The following DDX39A variants were observed in gnomAD, a reference collection of about 807,000 sequenced individuals.
DDX39A encodes the protein DExD-box helicase 39A, also known as ATP-dependent RNA helicase DDX39A.
Under a neutral mutation model 46.3 loss-of-function variants are expected in DDX39A, and 13 were observed. The observed-to-expected ratio is 0.28, with a 90% CI of 0.18 to 0.45. DDX39A has a LOEUF of 0.45. DDX39A is among the 20% of genes least tolerant of loss of function. The pLI, the probability that DDX39A is intolerant of heterozygous loss-of-function variation, is 1.00. For missense variants in DDX39A, 352 were observed against 581.8 expected (o/e 0.61, Z 4.06); for synonymous variants, 234 against 224.6 (o/e 1.04, Z -0.38).
chr19:14,417,115 G>A (rs747626502), intron 1 of DDX39A, among the ~76,000 whole-genome samples: 2 of 152,138 alleles, frequency 1.3e-5, no homozygotes, highest in Non-Finnish European at 2.9e-5. Context: ...ACCAGTAGCA[G>A]GGAAAACCAG....
rs1976649802 is a variant in DDX39A, at chr19:14,412,867, A to G, written c.208+146T>C. On this transcript the variant is annotated intron_variant, in intron 2 of 10. Coordinates refer to ENST00000242776, the MANE Select transcript of DDX39A (RefSeq NM_005804.4). This position sits in a 1 kb window ranked among gnomAD's most constrained non-coding sequence, Gnocchi z 4.4. ...ACGCCCCACTGCCGAGGGCAGCCAC[A>G]GGCCCCGCTGGGCACAACTGATCCG... 2 of 1,254,400 alleles carry G rather than the reference A, an allele frequency of 1.6e-6. No homozygotes were observed. The highest frequency in any genetic ancestry group is 2.2e-6 in the Non-Finnish European group (2 of 915,472). The allele number at this position is 1,254,400 out of a possible 1,614,324, so 77.7% of individuals were successfully genotyped here. A position where few individuals can be genotyped will look rare whatever the true frequency, so the allele number is the denominator to read the frequency against.
Position 14,411,480 on chromosome 19 carries a change from G to A in DDX39A, c.429+26C>T, listed in dbSNP as rs1976587658. 6.3e-7 allele frequency: 1 copy of A among 1,597,132 alleles called. No individual in the cohort carries two copies. Among genetic ancestry groups the A allele is most frequent in the African/African-American group, 1.3e-5 (1 of 74,544 alleles). ...AAGCTGCAGAAACCAAGTGGCGCCTGGTCCAGTCTGGCCCGAGGGACTCAC... is the reference window on the plus strand; with the variant it reads ...AAGCTGCAGAAACCAAGTGGCGCCTAGTCCAGTCTGGCCCGAGGGACTCAC... On this transcript the variant is annotated intron_variant, in intron 4 of 10. Coordinates refer to ENST00000242776, the MANE Select transcript of DDX39A (RefSeq NM_005804.4). The surrounding 1 kb of genome is among the most constrained non-coding windows in gnomAD (Gnocchi z 4.1).
chr19:14,410,186 G>A lies in DDX39A; in HGVS notation c.732+30C>T. On this transcript the variant is annotated intron_variant, in intron 6 of 10. Coordinates refer to ENST00000242776, the MANE Select transcript of DDX39A (RefSeq NM_005804.4). The surrounding 1 kb of genome is among the most constrained non-coding windows in gnomAD (Gnocchi z 4.3). Reference sequence around the variant, plus strand: ...CCCCAGGCTCCAGGCCCCTGGGGAAGGCCAAAGCTGCCACTCTCGCCCTAC... The same window carrying A: ...CCCCAGGCTCCAGGCCCCTGGGGAAAGCCAAAGCTGCCACTCTCGCCCTAC... The A allele has an allele frequency of 1.2e-6, 2 of 1,601,276 alleles. No homozygotes were observed. Among genetic ancestry groups the A allele is most frequent in the Non-Finnish European group, 1.7e-6 (2 of 1,168,884 alleles).
chr19:14,413,747 G>A (rs921926637), intron 1 of DDX39A, among the ~76,000 whole-genome samples: 14 of 152,170 alleles, frequency 9.2e-5, no homozygotes, highest in Non-Finnish European at 1.5e-4. Flanking sequence ...GAACCCACTG[G>A]GCTTTCATGG....
Position 14,419,253 on chromosome 19 carries a change from C to A in DDX39A, c.-5+17G>T. 3.6e-6 allele frequency: 1 copy of A among 278,294 alleles called. No homozygotes were observed. The highest frequency in any genetic ancestry group is 7.2e-6 in the Non-Finnish European group (1 of 139,338). 17.2% of individuals were successfully genotyped at this position (278,294 alleles called of 1,614,324 possible). A position where few individuals can be genotyped will look rare whatever the true frequency, so the allele number is the denominator to read the frequency against. On this transcript the variant is annotated intron_variant, in intron 1 of 10. Coordinates refer to ENST00000242776, the MANE Select transcript of DDX39A (RefSeq NM_005804.4). ...CGTCCCCACACCGCGGCCCCGCGCC[C>A]GGGATCCGCTGCTCACCTGGCTCCC... is the stretch of plus-strand genomic sequence containing the variant.
rs1476564726 is a variant in DDX39A at position 14,411,411 on chromosome 19, G to A, written c.429+95C>T. The A allele has an allele frequency of 2.3e-6, 3 of 1,305,726 alleles. No individual in the cohort carries two copies. The highest frequency in any genetic ancestry group is 2.9e-5 in the African/African-American group (2 of 68,384). 80.9% of individuals were successfully genotyped at this position (1,305,726 alleles called of 1,614,324 possible). A position where few individuals can be genotyped will look rare whatever the true frequency, so the allele number is the denominator to read the frequency against. On this transcript the variant is annotated intron_variant, in intron 4 of 10. Transcript: ENST00000242776. This position sits in a 1 kb window ranked among gnomAD's most constrained non-coding sequence, Gnocchi z 4.1. ...GCAAACCTCAAAGGCAGCTGCCCCT[G>A]CCAAGCTTGGTAAATGCTGGCTGGG...
In DDX39A at chr19:14,409,486, T is replaced by C. The variant is rs373132705; in HGVS notation, c.975-39A>G. 2.6e-5 allele frequency: 42 copies of C among 1,611,954 alleles called. No individual in the cohort carries two copies. The African/African-American group carries it at 4.8e-4, about 18-fold the overall frequency. On this transcript the variant is annotated intron_variant, in intron 8 of 10. Coordinates refer to ENST00000242776, the MANE Select transcript of DDX39A (RefSeq NM_005804.4). The surrounding 1 kb of genome is among the most constrained non-coding windows in gnomAD (Gnocchi z 8.3). ...GAAACAAGTGGAGGCCGTCAGACACTGGGCTCCTGGTGGTGCTCCCTGCAG... is the reference window on the plus strand; with the variant it reads ...GAAACAAGTGGAGGCCGTCAGACACCGGGCTCCTGGTGGTGCTCCCTGCAG...
At position 14,409,475 on chromosome 19, in the gene DDX39A, C is replaced by A. The variant is rs551771381; in HGVS notation, c.975-28G>T. On this transcript the variant is annotated intron_variant, in intron 8 of 10. Coordinates refer to ENST00000242776, the MANE Select transcript of DDX39A (RefSeq NM_005804.4). The surrounding 1 kb of genome is among the most constrained non-coding windows in gnomAD (Gnocchi z 8.3). ...GGGGTGCAGGAGAAACAAGTGGAGG[C>A]CGTCAGACACTGGGCTCCTGGTGGT... 1 of 1,612,762 alleles carries A rather than the reference C, an allele frequency of 6.2e-7. No homozygotes were observed. The highest frequency in any genetic ancestry group is 8.5e-7 in the Non-Finnish European group (1 of 1,179,712).
rs760726811 is a variant in DDX39A, at chr19:14,408,990, G to A, written c.1268-38C>T. The A allele has an allele frequency of 3.1e-6, 5 of 1,612,590 alleles. No individual in the cohort carries two copies. In the East Asian group the frequency reaches 8.9e-5, roughly 29 times the overall value. On this transcript the variant is annotated intron_variant, in intron 10 of 10. Transcript: ENST00000242776. ...AGATGCAGTGAACTGAAGGGCCGGGGGAGGAACCCTCTGCCCCAGACCCCT... is the reference window on the plus strand; with the variant it reads ...AGATGCAGTGAACTGAAGGGCCGGGAGAGGAACCCTCTGCCCCAGACCCCT...
At position 14,410,180 on chromosome 19, in the gene DDX39A, G is replaced by A; in HGVS notation, c.732+36C>T. ...CTGGGGCCCCAGGCTCCAGGCCCCT[G>A]GGGAAGGCCAAAGCTGCCACTCTCG... On this transcript the variant is annotated intron_variant, in intron 6 of 10. Transcript: ENST00000242776. This position sits in a 1 kb window ranked among gnomAD's most constrained non-coding sequence, Gnocchi z 4.3. 1 of 1,590,724 alleles carries A rather than the reference G, an allele frequency of 6.3e-7. No homozygotes were observed.
Position 14,410,030 on chromosome 19 carries a change from T to C in DDX39A, c.733-157A>G, listed in dbSNP as rs755668753. On this transcript the variant is annotated intron_variant, in intron 6 of 10. Transcript: ENST00000242776. This position sits in a 1 kb window ranked among gnomAD's most constrained non-coding sequence, Gnocchi z 4.3. The stretch of plus-strand genomic sequence containing the variant: ...CATCGCTCAAAAGCTGGATGTAAGC[T>C]CTGGCCCGACTCAGGTGTGGACCAA... The C allele has an allele frequency of 1.3e-5, 15 of 1,130,662 alleles. 1 individual carries two copies. In the South Asian group the frequency reaches 1.6e-4, roughly 12 times the overall value. The allele number at this position is 1,130,662 out of a possible 1,614,324, so 70.0% of individuals were successfully genotyped here.
Position 14,410,178 on chromosome 19 carries a change from C to G in DDX39A, c.732+38G>C. 6.3e-7 allele frequency: 1 copy of G among 1,592,912 alleles called. No individual in the cohort carries two copies. The highest frequency in any genetic ancestry group is 8.6e-7 in the Non-Finnish European group (1 of 1,161,550). On this transcript the variant is annotated intron_variant, in intron 6 of 10. Transcript: ENST00000242776. The surrounding 1 kb of genome is among the most constrained non-coding windows in gnomAD (Gnocchi z 4.3). ...TCCTGGGGCCCCAGGCTCCAGGCCCCTGGGGAAGGCCAAAGCTGCCACTCT... is the reference window on the plus strand; with the variant it reads ...TCCTGGGGCCCCAGGCTCCAGGCCCGTGGGGAAGGCCAAAGCTGCCACTCT...
chr19:14,410,321 A>G lies in DDX39A; in HGVS notation c.627T>C (p.Asp209=). The G allele has an allele frequency of 1.9e-6, 3 of 1,614,042 alleles. No individual in the cohort carries two copies. The highest frequency in any genetic ancestry group is 2.5e-6 in the Non-Finnish European group (3 of 1,179,958). The change falls in exon 6 of 11, where the codon GAT becomes GAC. Residue 209 remains aspartate (D), a synonymous_variant. Coordinates refer to ENST00000242776, the MANE Select transcript of DDX39A (RefSeq NM_005804.4). This position sits in a 1 kb window ranked among gnomAD's most constrained non-coding sequence, Gnocchi z 4.3. ...GTGTCAGGCGGAAGATCTCCTGCAC[A>G]TCCCGCCGCATGTCTAGGTGGGGAG... The part of the protein sequence containing the change: ...KMLEQLDMRR[D]VQEIFRLTPH...
chr19:14,415,978 A>C (rs551600531), intron 1 of DDX39A: 1 of 159,720 alleles, frequency 6.3e-6, no homozygotes, highest in South Asian at 1.2e-4. Context: ...AGGCAGGAGA[A>C]TCACTTGAAC....
Position 14,409,577 on chromosome 19 carries a change from G to A in DDX39A, c.933C>T (p.Phe311=). ...ALAQLLVEQN[F]PAIAIHRGMA... is the part of the protein sequence containing the mutation. ...TGCCCCGGTGGATGGCGATGGCCGG[G>A]AAGTTCTGCTCCACGAGGAGCTGGG... Residue 311 remains phenylalanine (F), a synonymous_variant, in exon 8 of 11, where the codon TTC becomes TTT. Transcript: ENST00000242776. This position sits in a 1 kb window ranked among gnomAD's most constrained non-coding sequence, Gnocchi z 8.3. 1 of 1,611,404 alleles carries A rather than the reference G, an allele frequency of 6.2e-7. No individual in the cohort carries two copies. Among genetic ancestry groups the A allele is most frequent in the Non-Finnish European group, 8.5e-7 (1 of 1,179,300 alleles).
rs761600377 is a variant in DDX39A, at chr19:14,408,910, G to A, written c.*26C>T. The A allele has an allele frequency of 1.5e-5, 23 of 1,567,066 alleles. No homozygotes were observed. The highest frequency in any genetic ancestry group is 4.8e-5 in the South Asian group (4 of 84,100). ...GGTGAAGCTGCATGCGGGCGGCTCC[G>A]GGTGGGCGGCTCTGGCACGTGGTGG... On this transcript the variant is annotated 3_prime_UTR_variant, in exon 11 of 11. Transcript: ENST00000242776.
Position 14,408,907 on chromosome 19 carries a change from T to G in DDX39A, c.*29A>C, listed in dbSNP as rs768282153. 6.4e-7 allele frequency: 1 copy of G among 1,570,076 alleles called. No homozygotes were observed. Among genetic ancestry groups the G allele is most frequent in the African/African-American group, 1.4e-5 (1 of 73,798 alleles). ...GGAGGTGAAGCTGCATGCGGGCGGC[T>G]CCGGGTGGGCGGCTCTGGCACGTGG... On this transcript the variant is annotated 3_prime_UTR_variant, in exon 11 of 11. Transcript: ENST00000242776.
In DDX39A at chr19:14,410,470, G is replaced by A. The variant is rs1423362261; in HGVS notation, c.614-136C>T. On this transcript the variant is annotated intron_variant, in intron 5 of 10. Transcript: ENST00000242776. The surrounding 1 kb of genome is among the most constrained non-coding windows in gnomAD (Gnocchi z 4.3). ...GTGACGAGGGCAGAGTGAGCCGCGG[G>A]AGTGGCCAGTCCTGGTGCCTGAGGG... 1.3e-6 allele frequency: 1 copy of A among 751,064 alleles called. No homozygotes were observed. The highest frequency in any genetic ancestry group is 2.0e-5 in the Admixed American group (1 of 48,854). 46.5% of individuals were successfully genotyped at this position (751,064 alleles called of 1,614,324 possible). A position where few individuals can be genotyped will look rare whatever the true frequency, so the allele number is the denominator to read the frequency against.
rs375946796 is a variant in DDX39A at position 14,409,711 on chromosome 19, G to A, written c.864+31C>T. On this transcript the variant is annotated intron_variant, in intron 7 of 10. Transcript: ENST00000242776. The surrounding 1 kb of genome is among the most constrained non-coding windows in gnomAD (Gnocchi z 8.3). ...GGCCCAGTGACCTCCCGAAGGTCCT[G>A]AGCCCCAGGACAGGCTGATGGAAGT... The A allele has an allele frequency of 1.8e-5, 29 of 1,613,228 alleles. No individual in the cohort carries two copies. The highest frequency in any genetic ancestry group is 2.3e-5 in the Non-Finnish European group (27 of 1,179,280).
Sources: gnomAD v4.1 joint callset for allele counts (sites outside exome capture counted in the v4.1 genomes callset) on GRCh38, gnomAD v4.1.1 for gene constraint, Gnocchi (gnomAD v3.1) non-coding constraint, MANE v1.5 for transcripts, NCBI Gene and HGNC (gene_info 2026-07-23, HGNC 2026-07-21) for gene names.